Variants in TYW1B observed in about 807,000 individuals in gnomAD.
TYW1B encodes the protein S-adenosyl-L-methionine-dependent tRNA 4-demethylwyosine synthase TYW1B.
A neutral mutation model predicts 86.9 loss-of-function variants in TYW1B; 73 were observed. The ratio of observed to expected loss-of-function variants is 0.84; its 90% confidence interval spans 0.70 to 1.02. The LOEUF (loss-of-function observed/expected upper bound fraction) is 1.02, where lower values mean the gene tolerates loss of function less well. Ranked by LOEUF, TYW1B falls within the 50% of genes least tolerant of loss-of-function variation. TYW1B has a pLI of 0.00. For missense variants in TYW1B, 637 were observed against 827.4 expected (o/e 0.77, Z 2.82); for synonymous variants, 248 against 292.8 (o/e 0.85, Z 1.56).
intron 7 of TYW1B, among the ~76,000 whole-genome samples, chr7:72,756,623 AGGTCT>A (rs1237043187): frequency 6.6e-6 from 1 of 152,134 alleles, no homozygotes; most frequent in African/African-American, 2.4e-5. Flanking sequence ...GGCTGAGAAA[AGGTCT>A]GGCAGACAGG....
rs372635755 is a variant in TYW1B, at chr7:72,736,653, A to T, written c.1083-7722T>A. Among the ~76,000 whole-genome samples, 14 of 152,326 alleles carry T rather than the reference A, an allele frequency of 9.2e-5. No individual in the cohort carries two copies. In the South Asian group the frequency reaches 1.2e-3, roughly 14 times the overall value. On this transcript the variant is annotated intron_variant, in intron 8 of 13. Coordinates refer to ENST00000620995, the MANE Select transcript of TYW1B (RefSeq NM_001145440.3). Reference sequence around the variant, plus strand: ...TCCCATATTCCCTCCGGCCCTAGGCAACCACTAATCTACTTTCTGTCTCTA... The same window carrying T: ...TCCCATATTCCCTCCGGCCCTAGGCTACCACTAATCTACTTTCTGTCTCTA...
intron 9 of TYW1B, among the ~76,000 whole-genome samples, chr7:72,722,635 G>T (rs1297404976): frequency 6.6e-6 from 1 of 152,164 alleles, no homozygotes; most frequent in Non-Finnish European, 1.5e-5. Context: ...ATTGCCCTCA[G>T]AATTAAGAAC....
At chr7:72,811,363 A>G (rs1788615269) in intron 3 of TYW1B, among the ~76,000 whole-genome samples, 1 of 151,740 alleles carries the variant, frequency 6.6e-6, no homozygotes, top group Non-Finnish European at 1.5e-5. Flanking sequence ...ATGGAAGAAC[A>G]CACCTGGGGA....
intron 13 of TYW1B, 144 bp downstream of exon 13, chr7:72,616,528 T>C: frequency 7.8e-7 from 1 of 1,276,634 alleles, no homozygotes; most frequent in African/African-American, 1.5e-5. Context: ...AGACAGAATT[T>C]AGTGCTTTCT....
chr7:72,788,044 C>T (rs1554472826), intron 6 of TYW1B, among the ~76,000 whole-genome samples: 1 of 151,916 alleles, frequency 6.6e-6, no homozygotes, highest in African/African-American at 2.4e-5. Flanking sequence ...GTGGCACGAT[C>T]TCGGCTCACT....
chr7:72,719,311 C>T (rs1379497804), intron 9 of TYW1B, among the ~76,000 whole-genome samples: 1 of 151,898 alleles, frequency 6.6e-6, no homozygotes, highest in Non-Finnish European at 1.5e-5. Context: ...CCACACTTGG[C>T]TAATTTTTTT....
At chr7:72,686,796 T>C (rs1211985132) in intron 11 of TYW1B, among the ~76,000 whole-genome samples, 12 of 152,150 alleles carry the variant, frequency 7.9e-5, no homozygotes, top group Admixed American at 6.6e-4. Flanking sequence ...AATGTATGCA[T>C]GCATGGAATA....
rs567595215 is a variant in TYW1B, at chr7:72,739,319, A to T, written c.1082+5165T>A. Among the ~76,000 whole-genome samples, 17 of 152,070 alleles carry T rather than the reference A, an allele frequency of 1.1e-4. No individual in the cohort carries two copies. The South Asian group carries it at 2.1e-3, about 19-fold the overall frequency. On this transcript the variant is annotated intron_variant, in intron 8 of 13. Coordinates refer to ENST00000620995, the MANE Select transcript of TYW1B (RefSeq NM_001145440.3). ...ATAAGAATTTTTTTAAAGTGGGTAG[A>T]GAGGGGTCAGGCGCAGTGGCTCACT...
chr7:72,740,858 G>T (rs1405544515), intron 8 of TYW1B, among the ~76,000 whole-genome samples: 1 of 150,398 alleles, frequency 6.6e-6, no homozygotes, highest in Admixed American at 6.7e-5. Context: ...AGCCTCCCAA[G>T]TAGCTGGGAC....
intron 11 of TYW1B, among the ~76,000 whole-genome samples, chr7:72,690,387 G>T (rs35995898): frequency 0.16 from 18,785 of 120,522 alleles, no homozygotes; most frequent in African/African-American, 0.27. Context: ...CTTGATGGAA[G>T]TGGTTTTTAG....
intron 7 of TYW1B, among the ~76,000 whole-genome samples, chr7:72,759,260 G>A (rs6965692): frequency 0.69 from 104,885 of 151,980 alleles, 37,167 homozygotes; most frequent in Non-Finnish European, 0.77. Context: ...GCTTGAGCCC[G>A]GGAGGTGGAG....
intron 10 of TYW1B, among the ~76,000 whole-genome samples, chr7:72,702,986 CTATATATATA>C (rs371144509): frequency 0.044 from 1,596 of 36,064 alleles, 118 homozygotes; most frequent in East Asian, 0.16. Context: ...ATCTATCTAT[CTATATATATA>C]TATATATATA....
At chr7:72,593,186 G>C (rs1455980294) in intron 13 of TYW1B, among the ~76,000 whole-genome samples, 2 of 152,070 alleles carry the variant, frequency 1.3e-5, no homozygotes, top group Admixed American at 1.3e-4. Flanking sequence ...CAGCTACTCG[G>C]GGGGCTGAGG....
chr7:72,663,207 G>A (rs1164287635), intron 11 of TYW1B, among the ~76,000 whole-genome samples: 3 of 151,764 alleles, frequency 2.0e-5, no homozygotes, highest in South Asian at 2.1e-4. Flanking sequence ...GGGGGTTGGC[G>A]GCACGATGAC....
chr7:72,741,431 G>GA (rs1171504529), intron 8 of TYW1B, among the ~76,000 whole-genome samples: 4 of 150,970 alleles, frequency 2.6e-5, no homozygotes, highest in Admixed American at 2.0e-4. Flanking sequence ...TGCCTAAGTA[G>GA]AAAAAAAAAG....
chr7:72,826,721 G>A (rs1278645886), intron 2 of TYW1B, 134 bp downstream of exon 2: 2 of 1,191,212 alleles, frequency 1.7e-6, no homozygotes. Context: ...ACTTAGAGAA[G>A]AAATTTATTT....
intron 11 of TYW1B, among the ~76,000 whole-genome samples, chr7:72,655,276 C>A (rs1186888282): frequency 6.6e-6 from 1 of 152,132 alleles, no homozygotes; most frequent in East Asian, 1.9e-4. Flanking sequence ...ACCCTACCCC[C>A]AGAAGAGTCC....
intron 6 of TYW1B, among the ~76,000 whole-genome samples, chr7:72,794,317 A>G (rs1164132390): frequency 1.3e-5 from 2 of 152,128 alleles, no homozygotes; most frequent in East Asian, 3.9e-4. Context: ...ACACTTTGGG[A>G]GGCTCAGGCA....
At chr7:72,713,457 A>G (rs541442873) in intron 10 of TYW1B, among the ~76,000 whole-genome samples, 164 bp downstream of exon 10, 1 of 152,190 alleles carries the variant, frequency 6.6e-6, no homozygotes, top group South Asian at 2.1e-4. Context: ...TGTGCCTAAT[A>G]GAACAGATTT....
Sources: gnomAD v4.1 joint callset for allele counts (sites outside exome capture counted in the v4.1 genomes callset) on GRCh38, gnomAD v4.1.1 for gene constraint, MANE v1.5 for transcripts, NCBI Gene and HGNC (gene_info 2026-07-23, HGNC 2026-07-21) for gene names.